The following TET3 variants were observed in gnomAD, a reference collection of about 807,000 sequenced individuals.
TET3 encodes the protein methylcytosine dioxygenase TET3.
A neutral mutation model predicts 141.4 loss-of-function variants in TET3; 19 were observed. The ratio of observed to expected loss-of-function variants is 0.13; its 90% CI spans 0.09 to 0.20. TET3 has a LOEUF of 0.20. TET3 is among the 10% of genes least tolerant of loss of function. TET3 has a pLI of 1.00. For missense variants in TET3, 1,874 were observed against 2,356.9 expected (o/e 0.80, Z 4.24); for synonymous variants, 1,043 against 980.9 (o/e 1.06, Z -1.18).
chr2:74,118,046 CA>C, the TET3 span, among the ~76,000 whole-genome samples: 2 of 152,276 alleles, frequency 1.3e-5, no homozygotes, highest in East Asian at 3.9e-4. Flanking sequence ...ACCCGACCCA[CA>C]AATCTATTAT....
chr2:74,063,636 G>A (rs574061595), intron 4 of TET3, among the ~76,000 whole-genome samples: 19 of 152,268 alleles, frequency 1.2e-4, no homozygotes, highest in African/African-American at 4.6e-4. Flanking sequence ...GAATGTGATT[G>A]CTAAGGGATG....
At chr2:74,130,997 GA>G in the TET3 span, 1 of 152,182 alleles carries the variant, frequency 6.6e-6, no homozygotes, top group Non-Finnish European at 1.5e-5. Context: ...GGACGGAGGG[GA>G]ACTGCGGTGG....
intron 4 of TET3, among the ~76,000 whole-genome samples, chr2:74,060,919 T>C (rs1688478538): frequency 6.6e-6 from 1 of 152,238 alleles, no homozygotes; most frequent in African/African-American, 2.4e-5. Context: ...TACCTCTTTC[T>C]ACACAGACAC....
In TET3 at chr2:74,106,226, C is replaced by G. The variant is rs1572915238; in HGVS notation, c.*4050C>G. 4 of 152,370 alleles carry G rather than the reference C, an allele frequency of 2.6e-5. No individual in the cohort carries two copies. The South Asian group carries it at 8.3e-4, about 32-fold the overall frequency. The allele number at this position is 152,370 out of a possible 1,614,324, so 9.4% of individuals were successfully genotyped here. On this transcript the variant is annotated 3_prime_UTR_variant, in exon 12 of 12. Coordinates refer to ENST00000409262, the MANE Select transcript of TET3 (RefSeq NM_001287491.2). ...CAAACAAAGCAAGTCGAGAAGGCAG[C>G]TATCTCCCTTTCTGTGATCGGGAGT...
chr2:74,096,686 T>A (rs999822532), intron 10 of TET3, among the ~76,000 whole-genome samples: 65 of 151,752 alleles, frequency 4.3e-4, no homozygotes, highest in African/African-American at 1.5e-3. Context: ...GAGAATCGCT[T>A]GAACCCGGGA....
rs528634565 is a variant in TET3, at chr2:74,076,793, T to A, written c.2585+3154T>A. On this transcript the variant is annotated intron_variant, in intron 5 of 11. Coordinates refer to ENST00000409262, the MANE Select transcript of TET3 (RefSeq NM_001287491.2). The stretch of plus-strand genomic sequence containing the variant: ...TTTTCCTAGACTCTTCCTCAACCCT[T>A]TCTCTTCAGGACTGCTCTGCTGTCA... 2.0e-5 allele frequency among the ~76,000 whole-genome samples: 3 copies of A among 152,280 alleles called. No homozygotes were observed. In the South Asian group the frequency reaches 6.2e-4, roughly 32 times the overall value.
At chr2:73,999,208 G>A (rs1444388712) in intron 2 of TET3, among the ~76,000 whole-genome samples, 1 of 152,162 alleles carries the variant, frequency 6.6e-6, no homozygotes, top group African/African-American at 2.4e-5. Flanking sequence ...AAATCGTAGA[G>A]CAACACAGAG....
At chr2:74,064,092 A>T (rs1688749468) in intron 4 of TET3, among the ~76,000 whole-genome samples, 2 of 152,192 alleles carry the variant, frequency 1.3e-5, no homozygotes, top group South Asian at 4.1e-4. Context: ...CAGTTGGAAG[A>T]AGTGTGAGCA....
chr2:74,101,251 G>C lies in TET3; in HGVS notation c.4463G>C (p.Gly1488Ala), dbSNP rs1290683512. Residue 1488 changes from glycine to alanine, a missense_variant, in exon 12 of 12, where the codon GGC becomes GCC. This residue lies in a region of TET3 where 602 missense variants were observed against 590.2 expected (regional missense o/e 1.02). Coordinates refer to ENST00000409262, the MANE Select transcript of TET3 (RefSeq NM_001287491.2). This position sits in a 1 kb window ranked among gnomAD's most constrained non-coding sequence, Gnocchi z 8.5. The part of the protein sequence containing the change: ...SCLAPSHFTD[G>A]QWGLFPGEGQ... Reference sequence around the variant, plus strand: ...CTGGCCCCTTCCCACTTCACAGATGGCCAGTGGGGGCTGTTCCCCGGTGAG... The same window carrying C: ...CTGGCCCCTTCCCACTTCACAGATGCCCAGTGGGGGCTGTTCCCCGGTGAG... 6.2e-7 allele frequency: 1 copy of C among 1,612,480 alleles called. No individual in the cohort carries two copies. Among genetic ancestry groups the C allele is most frequent in the Non-Finnish European group, 8.5e-7 (1 of 1,179,336 alleles).
intron 3 of TET3, among the ~76,000 whole-genome samples, chr2:74,014,671 A>G (rs1394344573): frequency 6.6e-6 from 1 of 152,186 alleles, no homozygotes; most frequent in Non-Finnish European, 1.5e-5. Context: ...AGCCTCGTAC[A>G]TTAGCACCAG....
At chr2:74,018,276 C>A (rs893867875) in intron 3 of TET3, among the ~76,000 whole-genome samples, 8 of 151,804 alleles carry the variant, frequency 5.3e-5, no homozygotes, top group African/African-American at 1.9e-4. Flanking sequence ...CTTCTTCTGT[C>A]ATCTTAAGTG....
At chr2:74,049,486 A>G (rs952518000) in intron 4 of TET3, among the ~76,000 whole-genome samples, 3 of 152,152 alleles carry the variant, frequency 2.0e-5, no homozygotes, top group Non-Finnish European at 4.4e-5. Flanking sequence ...AGGCAGTAGT[A>G]AGCTCCAGGT....
At chr2:74,034,497 T>C (rs1344479671) in intron 3 of TET3, among the ~76,000 whole-genome samples, 1 of 151,810 alleles carries the variant, frequency 6.6e-6, no homozygotes, top group Non-Finnish European at 1.5e-5. Flanking sequence ...TTTGCATTTC[T>C]GTACAATACA....
At position 74,102,775 on chromosome 2, in the gene TET3, C is replaced by CAT. The variant is rs1342313915; in HGVS notation, c.*601_*602dup. 4 of 152,192 alleles carry CAT rather than the reference C, an allele frequency of 2.6e-5. No homozygotes were observed. The highest frequency in any genetic ancestry group is 2.6e-4 in the Admixed American group (4 of 15,280). The allele number at this position is 152,192 out of a possible 1,614,324, so 9.4% of individuals were successfully genotyped here. ...TAGCCACCCAGTTCATCCCTCCCGA[C>CAT]ATACACCCCTTCCCTTTGGGGAAGG... On this transcript the variant is annotated 3_prime_UTR_variant, in exon 12 of 12. Transcript: ENST00000409262.
chr2:74,124,143 G>A, the TET3 span, among the ~76,000 whole-genome samples: 1,851 of 150,996 alleles, frequency 0.012, 20 homozygotes, highest in Non-Finnish European at 0.021. Flanking sequence ...CCCCCGCCCC[G>A]CCAGCCGCCC....
At chr2:73,985,251 C>T (rs1375714292) in intron 1 of TET3, 94 bp downstream of exon 1, 2 of 137,410 alleles carry the variant, frequency 1.5e-5, no homozygotes, top group Non-Finnish European at 3.2e-5. Context: ...GGGGACGGCC[C>T]GGATCCGGCG....
chr2:74,080,397 C>G, intron 5 of TET3, 101 bp from the exon 6 acceptor site: 1 of 1,031,430 alleles, frequency 9.7e-7, no homozygotes, highest in Non-Finnish European at 1.5e-6. Context: ...CGACGGTAAC[C>G]AGAAACTCAA....
chr2:74,116,319 A>C, the TET3 span, among the ~76,000 whole-genome samples: 1 of 152,108 alleles, frequency 6.6e-6, no homozygotes, highest in Non-Finnish European at 1.5e-5. Context: ...AAAAGTACAA[A>C]TCGAACTCCC....
At chr2:74,009,080 C>CA (rs1685295390) in intron 3 of TET3, among the ~76,000 whole-genome samples, 1 of 152,202 alleles carries the variant, frequency 6.6e-6, no homozygotes, top group South Asian at 2.1e-4. Flanking sequence ...CAGCATCCAC[C>CA]GTCTCTCTCA....
Sources: gnomAD v4.1 joint callset for allele counts (sites outside exome capture counted in the v4.1 genomes callset) on GRCh38, gnomAD v4.1.1 for gene constraint, gnomAD v4.1.1 regional missense constraint, Gnocchi (gnomAD v3.1) non-coding constraint, MANE v1.5 for transcripts, NCBI Gene and HGNC (gene_info 2026-07-23, HGNC 2026-07-21) for gene names.